Variants in CRADD observed in about 807,000 individuals in gnomAD.
CRADD encodes death domain-containing protein CRADD.
Under a neutral mutation model 15.5 loss-of-function variants are expected in CRADD, and 9 were observed. That is an observed-to-expected ratio of 0.58 (90% CI 0.35 to 1.01). The LOEUF is 1.01. Ranked by LOEUF, CRADD falls within the 50% of genes least tolerant of loss-of-function variation. The probability of loss-of-function intolerance (pLI) is 0.02; values close to 1 mark genes in which losing one functional copy is unlikely to be tolerated. For synonymous variants in CRADD, 118 were observed against 107.6 expected, an observed-to-expected ratio of 1.10 and a Z score of -0.60; for missense variants, 227 against 250.3, an observed-to-expected ratio of 0.91 and a Z score of 0.63.
chr12:93,793,365 G>A (rs866932449), intron 2 of CRADD, among the ~76,000 whole-genome samples: 1 of 152,156 alleles, frequency 6.6e-6, no homozygotes, highest in Non-Finnish European at 1.5e-5. Flanking sequence ...GGTGAACTTG[G>A]ACTTCCTCTA....
At chr12:93,705,180 C>T (rs185880378) in intron 2 of CRADD, among the ~76,000 whole-genome samples, 6 of 152,356 alleles carry the variant, frequency 3.9e-5, no homozygotes, top group African/African-American at 1.4e-4. Context: ...GACCCCAGGA[C>T]AGTGCCTGTC....
intron 2 of CRADD, among the ~76,000 whole-genome samples, chr12:93,859,046 A>G (rs990256155): frequency 2.6e-5 from 4 of 152,230 alleles, no homozygotes; most frequent in Admixed American, 6.5e-5. Flanking sequence ...ATGTAAAACT[A>G]TGATCAAATA....
At chr12:93,695,394 C>G (rs1955679771) in intron 2 of CRADD, among the ~76,000 whole-genome samples, 1 of 152,126 alleles carries the variant, frequency 6.6e-6, no homozygotes, top group Admixed American at 6.5e-5. Flanking sequence ...TGACATTGGT[C>G]TGGGCAATGG....
At chr12:93,723,621 G>A (rs904204477) in intron 2 of CRADD, among the ~76,000 whole-genome samples, 14 of 152,196 alleles carry the variant, frequency 9.2e-5, no homozygotes, top group African/African-American at 3.4e-4. Flanking sequence ...CTCTTGCTTA[G>A]CTGCCTCTGG....
intron 2 of CRADD, among the ~76,000 whole-genome samples, chr12:93,726,218 C>T (rs1405842243): frequency 1.4e-5 from 2 of 146,504 alleles, no homozygotes; most frequent in African/African-American, 5.0e-5. Context: ...ATTCTCCTGT[C>T]TCAGCCTGCC....
chr12:93,766,842 G>A (rs538173751), intron 2 of CRADD, among the ~76,000 whole-genome samples: 3 of 152,266 alleles, frequency 2.0e-5, no homozygotes, highest in East Asian at 1.9e-4. Flanking sequence ...TCTATTCCTA[G>A]TGCCTAGAAC....
chr12:93,782,141 C>T (rs1957217197), intron 2 of CRADD, among the ~76,000 whole-genome samples: 1 of 152,070 alleles, frequency 6.6e-6, no homozygotes, highest in African/African-American at 2.4e-5. Flanking sequence ...GGCACATATA[C>T]ACCATGGAAT....
At chr12:93,767,988 C>T (rs1267689316) in intron 2 of CRADD, among the ~76,000 whole-genome samples, 1 of 152,230 alleles carries the variant, frequency 6.6e-6, no homozygotes, top group Non-Finnish European at 1.5e-5. Flanking sequence ...ACATTGGAAA[C>T]ACTCTTAAGG....
intron 2 of CRADD, among the ~76,000 whole-genome samples, chr12:93,845,576 A>ATTTT (rs1430738405): frequency 0.013 from 855 of 66,560 alleles, 8 homozygotes; most frequent in African/African-American, 0.045. Flanking sequence ...ATATATATAT[A>ATTTT]TATTTTTAAT....
chr12:93,888,919 A>G (rs1209534534), intron 2 of CRADD, among the ~76,000 whole-genome samples: 1 of 152,214 alleles, frequency 6.6e-6, no homozygotes, highest in Non-Finnish European at 1.5e-5. Flanking sequence ...AGAACCCTGC[A>G]GAAGGAGCAG....
chr12:93,836,029 C>G (rs955226557), intron 2 of CRADD: 2 of 152,180 alleles, frequency 1.3e-5, no homozygotes, highest in Admixed American at 6.5e-5. Flanking sequence ...GTTGTTTACG[C>G]GTAGGCCACC....
intron 2 of CRADD, among the ~76,000 whole-genome samples, chr12:93,795,822 G>A (rs1448555340): frequency 1.3e-5 from 2 of 152,118 alleles, no homozygotes; most frequent in African/African-American, 2.4e-5. Flanking sequence ...AATTTCATGT[G>A]ACAATTGAGC....
intron 2 of CRADD, chr12:93,836,093 A>T (rs1957969635): frequency 6.6e-6 from 1 of 152,220 alleles, no homozygotes; most frequent in South Asian, 2.1e-4. Flanking sequence ...ATGTCTTCTC[A>T]TTCTGCCAGG....
At chr12:93,742,748 G>A (rs1956693782) in intron 2 of CRADD, among the ~76,000 whole-genome samples, 1 of 152,144 alleles carries the variant, frequency 6.6e-6, no homozygotes, top group Non-Finnish European at 1.5e-5. Flanking sequence ...CCCACTGTCG[G>A]TAAAAATGAG....
intron 2 of CRADD, among the ~76,000 whole-genome samples, chr12:93,890,763 C>CCT (rs1958570499): frequency 6.9e-6 from 1 of 144,296 alleles, no homozygotes; most frequent in Non-Finnish European, 1.5e-5. Context: ...TTCTTTCTTT[C>CCT]TTTTTTTTTT....
Position 93,747,327 on chromosome 12 carries a change from G to A in CRADD, c.298+68255G>A, listed in dbSNP as rs183158372. ...TCAGGCAGGTACTGGTGATAGTATT[G>A]GGAGACCTAGGGCTGGGAACTGGGG... On this transcript the variant is annotated intron_variant, in intron 2 of 2. Transcript: ENST00000332896. Among the ~76,000 whole-genome samples, 4 of 152,270 alleles carry A rather than the reference G, an allele frequency of 2.6e-5. 1 individual carries two copies. In the East Asian group the frequency reaches 7.7e-4, roughly 29 times the overall value.
At chr12:93,787,205 A>G (rs542010221) in intron 2 of CRADD, among the ~76,000 whole-genome samples, 2 of 150,058 alleles carry the variant, frequency 1.3e-5, no homozygotes, top group African/African-American at 4.9e-5. Flanking sequence ...GGACTGGCCA[A>G]GAGTTGTTCA....
chr12:93,696,089 A>G (rs1287879073), intron 2 of CRADD, among the ~76,000 whole-genome samples: 1 of 152,244 alleles, frequency 6.6e-6, no homozygotes, highest in Non-Finnish European at 1.5e-5. Context: ...ATGAAAGGTA[A>G]CAAGTACTGG....
rs988372184 is a variant in CRADD, at chr12:93,797,393, G to A, written c.299-52577G>A. Reference sequence around the variant, plus strand: ...TTTCAGGGGGTGAACTTGGAGATGCGTTCATTCACATCACAGTCAGTGCAG... The same window carrying A: ...TTTCAGGGGGTGAACTTGGAGATGCATTCATTCACATCACAGTCAGTGCAG... On this transcript the variant is annotated intron_variant, in intron 2 of 2. Transcript: ENST00000332896. Among the ~76,000 whole-genome samples the A allele has an allele frequency of 1.7e-4, 26 of 152,242 alleles. No homozygotes were observed. The East Asian group carries it at 3.3e-3, about 19-fold the overall frequency.
Sources: allele counts gnomAD v4.1 joint callset (sites outside exome capture counted in the v4.1 genomes callset), GRCh38; gene constraint gnomAD v4.1.1; transcripts MANE v1.5; gene names NCBI Gene and HGNC (gene_info 2026-07-23, HGNC 2026-07-21).